The following HS3ST4 variants were observed in gnomAD, a reference collection of about 807,000 sequenced individuals.
HS3ST4 encodes the protein heparan sulfate-glucosamine 3-sulfotransferase 4, also known as heparan sulfate glucosamine 3-O-sulfotransferase 4.
HS3ST4 carries 17 observed loss-of-function variants against 29.2 expected under a neutral mutation model. The ratio of observed to expected loss-of-function variants is 0.58; its 90% CI spans 0.40 to 0.87. The LOEUF (loss-of-function observed/expected upper bound fraction) is 0.87. Among genes scored for constraint, HS3ST4 ranks in the 40% least tolerant of loss-of-function variants. HS3ST4 has a pLI of 0.00. For synonymous variants in HS3ST4, 314 were observed against 285.7 expected, an observed-to-expected ratio of 1.10 and a Z score of -1.00; for missense variants, 627 against 634.5, an observed-to-expected ratio of 0.99 and a Z score of 0.13.
intron 1 of HS3ST4, among the ~76,000 whole-genome samples, chr16:26,122,644 G>C (rs573497218): frequency 6.6e-6 from 1 of 152,108 alleles, no homozygotes; most frequent in Non-Finnish European, 1.5e-5. Flanking sequence ...GAAGCTGTTC[G>C]GTACTCTATG....
chr16:26,100,772 A>C (rs1365537463), intron 1 of HS3ST4, among the ~76,000 whole-genome samples: 2 of 152,318 alleles, frequency 1.3e-5, no homozygotes, highest in Admixed American at 1.3e-4. Flanking sequence ...CTGGCATCAT[A>C]AAGAGCTTTT....
At chr16:25,792,435 A>G (rs1304536132) in intron 1 of HS3ST4, among the ~76,000 whole-genome samples, 2 of 151,950 alleles carry the variant, frequency 1.3e-5, no homozygotes, top group Non-Finnish European at 2.9e-5. Flanking sequence ...GGGCCTGGAA[A>G]TGTCTCTGTT....
chr16:26,081,592 A>C (rs1297413219), intron 1 of HS3ST4, among the ~76,000 whole-genome samples: 1 of 152,020 alleles, frequency 6.6e-6, no homozygotes, highest in Non-Finnish European at 1.5e-5. Context: ...GGGGCATAAA[A>C]CTCTGCTCAG....
At chr16:25,946,665 C>T (rs905810547) in intron 1 of HS3ST4, among the ~76,000 whole-genome samples, 4 of 152,070 alleles carry the variant, frequency 2.6e-5, no homozygotes, top group Non-Finnish European at 4.4e-5. Context: ...ATTTTATGCA[C>T]AAATGTGAAA....
Position 25,890,348 on chromosome 16 carries a change from T to A in HS3ST4, c.734+197197T>A, listed in dbSNP as rs541961673. On this transcript the variant is annotated intron_variant, in intron 1 of 1. Transcript: ENST00000331351. ...CCCATCAAGGATGGATTTGTTATCA[T>A]CTCCTAGGGTAAGGACCCAGATGAC... is the stretch of plus-strand genomic sequence containing the variant. Among the ~76,000 whole-genome samples the A allele has an allele frequency of 8.5e-5, 13 of 152,312 alleles. No homozygotes were observed. The South Asian group carries it at 2.7e-3, about 32-fold the overall frequency.
chr16:25,883,658 G>A, intron 1 of HS3ST4, among the ~76,000 whole-genome samples: 1 of 152,168 alleles, frequency 6.6e-6, no homozygotes, highest in East Asian at 1.9e-4. Flanking sequence ...AGTAACCATG[G>A]TGTGGAGTGT....
intron 1 of HS3ST4, among the ~76,000 whole-genome samples, chr16:25,899,122 C>T (rs1304999059): frequency 3.3e-5 from 5 of 152,226 alleles, no homozygotes; most frequent in African/African-American, 1.2e-4. Flanking sequence ...CTGCTGTTCT[C>T]CATGACTGAA....
intron 1 of HS3ST4, among the ~76,000 whole-genome samples, chr16:26,007,053 G>T (rs183863745): frequency 1.3e-5 from 2 of 152,162 alleles, no homozygotes; most frequent in Admixed American, 1.3e-4. Flanking sequence ...TTGCAAAGGC[G>T]GTTTCAAGAG....
At chr16:26,135,505 T>G in intron 1 of HS3ST4, 107 bp from the exon 2 acceptor site, 1 of 1,079,610 alleles carries the variant, frequency 9.3e-7, no homozygotes, top group Non-Finnish European at 1.3e-6. Flanking sequence ...ATCAATTTTA[T>G]TTGGTGGTTC....
chr16:26,071,133 T>C (rs1231274489), intron 1 of HS3ST4, among the ~76,000 whole-genome samples: 2 of 151,240 alleles, frequency 1.3e-5, no homozygotes, highest in African/African-American at 2.4e-5. Context: ...TCATTAATTA[T>C]GCATGAAGCC....
intron 1 of HS3ST4, among the ~76,000 whole-genome samples, chr16:25,795,942 CTCTT>C (rs1966883677): frequency 6.8e-6 from 1 of 147,206 alleles, no homozygotes; most frequent in Non-Finnish European, 1.5e-5. Context: ...ACTGTCAAAA[CTCTT>C]TTTTTTTTAA....
chr16:25,928,737 T>C (rs746008373), intron 1 of HS3ST4, among the ~76,000 whole-genome samples: 3 of 152,170 alleles, frequency 2.0e-5, no homozygotes, highest in Non-Finnish European at 4.4e-5. Flanking sequence ...ACCCTCTCCA[T>C]GGGCTTTTCC....
intron 1 of HS3ST4, among the ~76,000 whole-genome samples, chr16:26,094,420 C>T (rs537405960): frequency 6.6e-6 from 1 of 152,294 alleles, no homozygotes; most frequent in Non-Finnish European, 1.5e-5. Context: ...GATCTCTTGG[C>T]AGAAACCCTA....
intron 1 of HS3ST4, among the ~76,000 whole-genome samples, chr16:26,077,659 G>T (rs1898678133): frequency 6.6e-6 from 1 of 152,212 alleles, no homozygotes; most frequent in Non-Finnish European, 1.5e-5. Flanking sequence ...CCAGGCTAAT[G>T]GTATCCTGGG....
At chr16:25,783,606 T>C (rs1047051958) in intron 1 of HS3ST4, among the ~76,000 whole-genome samples, 2 of 152,198 alleles carry the variant, frequency 1.3e-5, no homozygotes, top group African/African-American at 4.8e-5. Context: ...GCAAAAAGTA[T>C]AATTAAGGTA....
At chr16:25,754,104 T>G (rs1966739925) in intron 1 of HS3ST4, among the ~76,000 whole-genome samples, 1 of 152,200 alleles carries the variant, frequency 6.6e-6, no homozygotes, top group African/African-American at 2.4e-5. Flanking sequence ...TTATCTGAGT[T>G]GAAGCCTGAA....
At chr16:26,055,424 ACT>A (rs1461219651) in intron 1 of HS3ST4, among the ~76,000 whole-genome samples, 6 of 151,946 alleles carry the variant, frequency 3.9e-5, no homozygotes, top group Admixed American at 2.0e-4. Context: ...AGTAGGGGAA[ACT>A]CTGACACTCT....
At chr16:26,090,061 A>G (rs1218481797) in intron 1 of HS3ST4, among the ~76,000 whole-genome samples, 1 of 152,198 alleles carries the variant, frequency 6.6e-6, no homozygotes, top group African/African-American at 2.4e-5. Flanking sequence ...GAAATAATCT[A>G]TGTAAAGTAT....
At chr16:25,889,886 A>T (rs1417070674) in intron 1 of HS3ST4, among the ~76,000 whole-genome samples, 1 of 145,090 alleles carries the variant, frequency 6.9e-6, no homozygotes, top group Non-Finnish European at 1.5e-5. Flanking sequence ...AGGTTTTATC[A>T]GGGGAATTCC....
Sources: gnomAD v4.1 joint callset for allele counts (sites outside exome capture counted in the v4.1 genomes callset) on GRCh38, gnomAD v4.1.1 for gene constraint, MANE v1.5 for transcripts, NCBI Gene and HGNC (gene_info 2026-07-23, HGNC 2026-07-21) for gene names.